The following CTBS variants were observed in gnomAD, a reference collection of about 807,000 sequenced individuals.
CTBS encodes the protein chitobiase.
Under a neutral mutation model 44.3 loss-of-function variants are expected in CTBS, and 35 were observed. The observed-to-expected ratio is 0.79, with a 90% confidence interval of 0.60 to 1.05. The LOEUF (loss-of-function observed/expected upper bound fraction) is 1.05. Ranked by LOEUF, CTBS falls within the 50% of genes least tolerant of loss-of-function variation. CTBS has a pLI of 0.00. For missense variants in CTBS, 458 were observed against 475.3 expected (o/e 0.96, Z 0.34); for synonymous variants, 143 against 168.0 (o/e 0.85, Z 1.15).
In CTBS at chr1:84,550,712, G is replaced by GA. The variant is rs1159309857; in HGVS notation, c.*4286dup. ...ATGCAGGAAGAAAAACTAAACCTGT[G>GA]AAAAGATACATGATATAATAAAGCC... On this transcript the variant is annotated 3_prime_UTR_variant, in exon 7 of 7. Coordinates refer to ENST00000370630, the MANE Select transcript of CTBS (RefSeq NM_004388.3). 26 of 1,178,376 alleles carry GA rather than the reference G, an allele frequency of 2.2e-5. No individual in the cohort carries two copies. Among genetic ancestry groups the GA allele is most frequent in the Middle Eastern group, 6.9e-4 (2 of 2,892 alleles). 73.0% of individuals were successfully genotyped at this position (1,178,376 alleles called of 1,614,324 possible).
At chr1:84,555,225 T>G in intron 6 of CTBS, 26 bp from the exon 7 acceptor site, 1 of 1,489,986 alleles carries the variant, frequency 6.7e-7, no homozygotes, top group Non-Finnish European at 9.3e-7. Context: ...AAAATGGAGA[T>G]TTTAAAGTAT....
intron 6 of CTBS, among the ~76,000 whole-genome samples, chr1:84,558,468 T>A (rs2102019340): frequency 6.6e-6 from 1 of 151,646 alleles, no homozygotes; most frequent in African/African-American, 2.4e-5. Context: ...TTTTTTTGTA[T>A]TTTTAGTAGA....
rs764489979 is a variant in CTBS, at chr1:84,563,421, A to T, written c.796-3T>A. 27 of 1,494,656 alleles carry T rather than the reference A, an allele frequency of 1.8e-5. No individual in the cohort carries two copies. Among genetic ancestry groups the T allele is most frequent in the Middle Eastern group, 3.6e-4 (2 of 5,544 alleles). The allele number at this position is 1,494,656 out of a possible 1,614,324, so 92.6% of individuals were successfully genotyped here. A position where few individuals can be genotyped will look rare whatever the true frequency, so the allele number is the denominator to read the frequency against. ...TTTGCAATGGTACAAACATGATCCT[A>T]GAAATGCAAAAGTGCTCATGTTATA... On this transcript the variant is annotated splice_region_variant and splice_polypyrimidine_tract_variant and intron_variant, in intron 5 of 6. Transcript: ENST00000370630.
At position 84,574,046 on chromosome 1, in the gene CTBS, G is replaced by A. The variant is rs567427171; in HGVS notation, c.177+193C>T. The A allele has an allele frequency of 3.1e-5, 45 of 1,436,422 alleles. No homozygotes were observed. In the African/African-American group the frequency reaches 5.8e-4, roughly 19 times the overall value. The allele number at this position is 1,436,422 out of a possible 1,614,324, so 89.0% of individuals were successfully genotyped here. On this transcript the variant is annotated intron_variant, in intron 1 of 6. Coordinates refer to ENST00000370630, the MANE Select transcript of CTBS (RefSeq NM_004388.3). ...CAGGCACTTACAGGCTGTGAGGCCT[G>A]AGGAGTTACTCAACTTCTCTGAGCC...
chr1:84,573,211 C>A (rs546882697), intron 1 of CTBS, among the ~76,000 whole-genome samples: 1 of 152,186 alleles, frequency 6.6e-6, no homozygotes, highest in African/African-American at 2.4e-5. Context: ...TCCACCAAGT[C>A]ATAGCTAAAT....
intron 1 of CTBS, among the ~76,000 whole-genome samples, chr1:84,573,675 G>A (rs1476213435): frequency 2.6e-5 from 4 of 152,194 alleles, no homozygotes; most frequent in African/African-American, 4.8e-5. Flanking sequence ...GCTCCAGAAG[G>A]TGTTTGATTA....
chr1:84,561,746 C>T (rs1241934939), intron 6 of CTBS, among the ~76,000 whole-genome samples: 1 of 152,220 alleles, frequency 6.6e-6, no homozygotes, highest in African/African-American at 2.4e-5. Context: ...GCAAGACACT[C>T]TTCCAGCAAG....
rs917431570 is a variant in CTBS at position 84,552,415 on chromosome 1, T to G, written c.*2584A>C. The G allele has an allele frequency of 6.6e-6, 1 of 152,196 alleles. No individual in the cohort carries two copies. The highest frequency in any genetic ancestry group is 1.5e-5 in the Non-Finnish European group (1 of 68,050). The allele number at this position is 152,196 out of a possible 1,614,324, so 9.4% of individuals were successfully genotyped here. A position where few individuals can be genotyped will look rare whatever the true frequency, so the allele number is the denominator to read the frequency against. The stretch of plus-strand genomic sequence containing the variant: ...ACACTTGGAATAGTAAGGGCTCTGG[T>G]ACCAGGTGGTTTGAATTTGAATCCT... On this transcript the variant is annotated 3_prime_UTR_variant, in exon 7 of 7. Transcript: ENST00000370630.
intron 6 of CTBS, among the ~76,000 whole-genome samples, chr1:84,557,708 A>T (rs1684487368): frequency 6.6e-6 from 1 of 151,310 alleles, no homozygotes. Context: ...ATACAAAAAA[A>T]TTAGCCAGGC....
intron 1 of CTBS, among the ~76,000 whole-genome samples, chr1:84,572,214 C>CTTAATTTTTT (rs568010225): frequency 5.3e-5 from 8 of 151,762 alleles, no homozygotes; most frequent in Non-Finnish European, 1.2e-4. Context: ...CCAGGCATTT[C>CTTAATTTTTT]TTAATTTTTT....
Position 84,563,730 on chromosome 1 carries a change from C to A in CTBS, c.795+5G>T. ...AAAAATTATGTAACAAATGACTGTTCCTACCTCAGACAGATTCAGGCAGGT... is the reference window on the plus strand; with the variant it reads ...AAAAATTATGTAACAAATGACTGTTACTACCTCAGACAGATTCAGGCAGGT... On this transcript the variant is annotated splice_donor_5th_base_variant and intron_variant, in intron 5 of 6. Coordinates refer to ENST00000370630, the MANE Select transcript of CTBS (RefSeq NM_004388.3). 1.3e-6 allele frequency: 2 copies of A among 1,539,020 alleles called. No homozygotes were observed. The highest frequency in any genetic ancestry group is 1.8e-6 in the Non-Finnish European group (2 of 1,132,148).
intron 6 of CTBS, among the ~76,000 whole-genome samples, chr1:84,556,450 G>A (rs779612024): frequency 2.6e-5 from 4 of 151,940 alleles, no homozygotes; most frequent in Admixed American, 6.6e-5. Context: ...CGGTGTCTCA[G>A]GCCTGTAATA....
chr1:84,559,499 A>G (rs945857169), intron 6 of CTBS, among the ~76,000 whole-genome samples: 1 of 152,038 alleles, frequency 6.6e-6, no homozygotes, highest in African/African-American at 2.4e-5. Flanking sequence ...GGGCATCCCT[A>G]TAACCCCAGA....
chr1:84,573,586 T>A (rs1647377022), intron 1 of CTBS, among the ~76,000 whole-genome samples: 2 of 152,244 alleles, frequency 1.3e-5, no homozygotes, highest in African/African-American at 4.8e-5. Context: ...GTTCTTTGAA[T>A]TAAGCCTTTG....
chr1:84,574,222 C>G lies in CTBS; in HGVS notation c.177+17G>C. ...GCCCTGAAGCCCAGACCTAGAGGAG[C>G]AGAGGAAGGCGCTGACCTCGAAATC... is the stretch of plus-strand genomic sequence containing the variant. On this transcript the variant is annotated intron_variant, in intron 1 of 6. Coordinates refer to ENST00000370630, the MANE Select transcript of CTBS (RefSeq NM_004388.3). The G allele has an allele frequency of 6.2e-7, 1 of 1,602,284 alleles. No individual in the cohort carries two copies. The highest frequency in any genetic ancestry group is 1.7e-5 in the Admixed American group (1 of 58,654).
chr1:84,555,436 C>A (rs906894291), intron 6 of CTBS, among the ~76,000 whole-genome samples: 18 of 152,172 alleles, frequency 1.2e-4, no homozygotes, highest in Non-Finnish European at 2.5e-4. Flanking sequence ...GTTCAACTTA[C>A]AATTTTTAGA....
chr1:84,573,890 T>C (rs1291595203), intron 1 of CTBS: 2 of 1,137,230 alleles, frequency 1.8e-6, no homozygotes, highest in Non-Finnish European at 2.2e-6. Flanking sequence ...TCCTCGTTCC[T>C]TGGAAACATA....
chr1:84,568,876 T>C (rs138872912), intron 3 of CTBS, among the ~76,000 whole-genome samples: 532 of 152,258 alleles, frequency 3.5e-3, no homozygotes, highest in Middle Eastern at 6.8e-3. Context: ...TAAGTTTTCC[T>C]GAGGCCTCCC....
In CTBS at chr1:84,551,099, C is replaced by T. The variant is rs186600470; in HGVS notation, c.*3900G>A. ...TGCTCTATTTGGTGAGAATTGTGTA[C>T]AACTAATTACATCATAGAAATTATC... is the stretch of plus-strand genomic sequence containing the variant. On this transcript the variant is annotated 3_prime_UTR_variant, in exon 7 of 7. Coordinates refer to ENST00000370630, the MANE Select transcript of CTBS (RefSeq NM_004388.3). 2,830 of 985,150 alleles carry T rather than the reference C, an allele frequency of 2.9e-3. 5 individuals carry two copies. Among genetic ancestry groups the T allele is most frequent in the Middle Eastern group, 3.1e-3 (6 of 1,914 alleles). The allele number at this position is 985,150 out of a possible 1,614,324, so 61.0% of individuals were successfully genotyped here.
Sources: gnomAD v4.1 joint callset for allele counts (sites outside exome capture counted in the v4.1 genomes callset) on GRCh38, gnomAD v4.1.1 for gene constraint, MANE v1.5 for transcripts, NCBI Gene and HGNC (gene_info 2026-07-23, HGNC 2026-07-21) for gene names.